The following CCAR2 variants were observed in gnomAD, a reference collection of about 807,000 sequenced individuals.
CCAR2 encodes cell cycle and apoptosis regulator protein 2.
CCAR2 carries 21 observed loss-of-function variants against 108.1 expected under a neutral mutation model. The ratio of observed to expected loss-of-function variants is 0.19; its 90% CI spans 0.14 to 0.28. The LOEUF is 0.28. Among genes scored for constraint, CCAR2 ranks in the 10% least tolerant of loss-of-function variants. The pLI is 1.00. For missense variants in CCAR2, 1,126 were observed against 1,177.0 expected (o/e 0.96, Z 0.63); for synonymous variants, 577 against 472.8 (o/e 1.22, Z -2.86).
chr8:22,617,217 G>A (rs1801558901), intron 14 of CCAR2, among the ~76,000 whole-genome samples: 1 of 152,012 alleles, frequency 6.6e-6, no homozygotes, highest in Non-Finnish European at 1.5e-5. Flanking sequence ...AACTCCTGAG[G>A]AAAAAAGCCC....
intron 7 of CCAR2, 34 bp from the exon 8 acceptor site, chr8:22,612,983 G>A: frequency 4.4e-6 from 7 of 1,599,878 alleles, no homozygotes; most frequent in Non-Finnish European, 6.0e-6. Context: ...ATAACAATGT[G>A]GTTTCTTACT....
At chr8:22,607,873 G>A (rs1414554703) in intron 6 of CCAR2, 96 bp from the exon 7 acceptor site, 6 of 945,206 alleles carry the variant, frequency 6.3e-6, no homozygotes, top group African/African-American at 3.3e-5. Context: ...TGATCCATCT[G>A]CACTGTCCTC....
At position 22,614,396 on chromosome 8, in the gene CCAR2, C is replaced by T. The variant is rs1294535918; in HGVS notation, c.934C>T (p.Leu312=). The T allele has an allele frequency of 1.7e-5, 27 of 1,614,196 alleles. No homozygotes were observed. Among genetic ancestry groups the T allele is most frequent in the Non-Finnish European group, 2.1e-5 (25 of 1,180,036 alleles). Residue 312 remains leucine (L), a synonymous_variant, in exon 10 of 21, where the codon CTG becomes TTG. Transcript: ENST00000308511. ...AGTGTCTCCTCCTGCACAGGTACTG[C>T]TGCTCTCTTCCCCGGGGTTGGAGGA... ...SDPAYSSKVL[L]LSSPGLEELY...
chr8:22,607,942 G>C, intron 6 of CCAR2, 27 bp from the exon 7 acceptor site: 1 of 1,605,332 alleles, frequency 6.2e-7, no homozygotes, highest in South Asian at 1.1e-5. Context: ...TAGGGTTTTT[G>C]AGTCACCAGT....
Position 22,619,034 on chromosome 8 carries a change from A to G in CCAR2, c.2521+19A>G, listed in dbSNP as rs201815437. 4.3e-6 allele frequency: 7 copies of G among 1,610,802 alleles called. No homozygotes were observed. The highest frequency in any genetic ancestry group is 5.9e-6 in the Non-Finnish European group (7 of 1,178,704). On this transcript the variant is annotated intron_variant, in intron 19 of 20. Coordinates refer to ENST00000308511, the MANE Select transcript of CCAR2 (RefSeq NM_001393997.1). The stretch of plus-strand genomic sequence containing the variant: ...AAGCTGGGTGAGGGCCTGGGGCTGC[A>G]GCCACCATGGGGTCACATGCAGACC...
rs765952911 is a variant in CCAR2 at position 22,616,084 on chromosome 8, C to A, written c.1681C>A (p.Leu561Met). The change falls in exon 14 of 21, where the codon CTG becomes ATG. Residue 561 changes from leucine to methionine, a missense_variant. Leu to Met is a conservative substitution (Grantham distance 15). Coordinates refer to ENST00000308511, the MANE Select transcript of CCAR2 (RefSeq NM_001393997.1). ...DFGYRVYKML[L>M]SLPEKVVSPP... is the part of the protein sequence containing the mutation. ...TGGCTATAGAGTTTATAAGATGCTA[C>A]TGAGCCTTCCTGAAAAGGTCGTGTC... 6.2e-7 allele frequency: 1 copy of A among 1,614,034 alleles called. No homozygotes were observed. Among genetic ancestry groups the A allele is most frequent in the Non-Finnish European group, 8.5e-7 (1 of 1,180,036 alleles).
rs1210403419 is a variant in CCAR2, at chr8:22,620,468, C to G, written c.*786C>G. On this transcript the variant is annotated 3_prime_UTR_variant, in exon 21 of 21. Coordinates refer to ENST00000308511, the MANE Select transcript of CCAR2 (RefSeq NM_001393997.1). ...TTTTTAAATAAACCAAAGTCAAAAA[C>G]AAACTGAGAGTGTGTCCTCCACAGC... is the stretch of plus-strand genomic sequence containing the variant. 1 of 86,058 alleles carries G rather than the reference C, an allele frequency of 1.2e-5. No homozygotes were observed. Among genetic ancestry groups the G allele is most frequent in the Admixed American group, 1.5e-4 (1 of 6,514 alleles). The allele number at this position is 86,058 out of a possible 1,614,324, so 5.3% of individuals were successfully genotyped here.
In CCAR2 at chr8:22,619,724, C is replaced by T. The variant is rs201631100; in HGVS notation, c.*42C>T. ...TGCCATCCTGTGAGGGCAGCGGTGG[C>T]GCCCGGCAAAGTTGGAGCCCTTGCG... On this transcript the variant is annotated 3_prime_UTR_variant, in exon 21 of 21. Coordinates refer to ENST00000308511, the MANE Select transcript of CCAR2 (RefSeq NM_001393997.1). The T allele has an allele frequency of 1.5e-5, 23 of 1,548,914 alleles. No homozygotes were observed. The highest frequency in any genetic ancestry group is 1.1e-4 in the African/African-American group (8 of 73,108).
intron 4 of CCAR2, 95 bp downstream of exon 4, chr8:22,606,793 T>G (rs1801096794): frequency 3.4e-6 from 5 of 1,469,326 alleles, no homozygotes; most frequent in Admixed American, 1.8e-5. Flanking sequence ...AGCCATTGCT[T>G]TGCTGTTTTT....
Position 22,617,257 on chromosome 8 carries a change from G to C in CCAR2, c.1846-163G>C, listed in dbSNP as rs1354684144. The C allele has an allele frequency of 3.7e-6, 3 of 816,634 alleles. No homozygotes were observed. The African/African-American group carries it at 5.2e-5, about 14-fold the overall frequency. 50.6% of individuals were successfully genotyped at this position (816,634 alleles called of 1,614,324 possible). A position where few individuals can be genotyped will look rare whatever the true frequency, so the allele number is the denominator to read the frequency against. The stretch of plus-strand genomic sequence containing the variant: ...GTCTGGCGATGCCCTGGCATGCTCT[G>C]AATCCCACTTAATGAAATTAAATAC... On this transcript the variant is annotated intron_variant, in intron 14 of 20. Transcript: ENST00000308511.
Position 22,613,090 on chromosome 8 carries a change from G to C in CCAR2, c.658G>C (p.Asp220His), listed in dbSNP as rs192174585. 1 of 1,613,070 alleles carries C rather than the reference G, an allele frequency of 6.2e-7. No homozygotes were observed. The highest frequency in any genetic ancestry group is 1.7e-5 in the Admixed American group (1 of 59,846). The change falls in exon 8 of 21, where the codon GAC (aspartate) becomes CAC (histidine). Residue 220 changes from aspartate (D) to histidine (H), a missense_variant. Around this residue, in one of 4 missense-constraint regions of CCAR2, gnomAD observed 1,013 missense variants for 993.9 expected, o/e 1.02. Transcript: ENST00000308511. ...CTGGGGTGCTAAGAAGCCAAGGCATGACCTGCCTCCTTACCGGGTCCACCT... is the reference window on the plus strand; with the variant it reads ...CTGGGGTGCTAAGAAGCCAAGGCATCACCTGCCTCCTTACCGGGTCCACCT... ...EPWGAKKPRH[D>H]LPPYRVHLTP... is the part of the protein sequence containing the mutation.
At chr8:22,606,882 T>G in intron 4 of CCAR2, 28 bp from the exon 5 acceptor site, 1 of 1,609,766 alleles carries the variant, frequency 6.2e-7, no homozygotes, top group Non-Finnish European at 8.5e-7. Flanking sequence ...CCTCTTCTGA[T>G]GGGGCCTTCT....
Position 22,605,836 on chromosome 8 carries a change from T to C in CCAR2, c.58+5T>C, listed in dbSNP as rs761301974. 6.2e-7 allele frequency: 1 copy of C among 1,613,664 alleles called. No homozygotes were observed. The highest frequency in any genetic ancestry group is 8.5e-7 in the Non-Finnish European group (1 of 1,179,740). On this transcript the variant is annotated splice_donor_5th_base_variant and intron_variant, in intron 2 of 20. Transcript: ENST00000308511. ...CAGGGGGACGCAACTTCTCAGGTGA[T>C]CACTGTTCTCCCTACCTGGCCTCAT...
chr8:22,614,279 A>G lies in CCAR2; in HGVS notation c.892A>G (p.Ile298Val), dbSNP rs143895597. ...AGCTCCAGACGCTGGTGCTGAGCCC[A>G]TCACTGCAGACAGTGACCCCGCTTA... ...EAAPDAGAEP[I>V]TADSDPAYSS... is the part of the protein sequence containing the mutation. The change falls in exon 9 of 21, where the codon ATC (isoleucine) becomes GTC (valine). Residue 298 changes from isoleucine (I) to valine (V), a missense_variant. Ile to Val is a conservative substitution (Grantham distance 29, BLOSUM62 3). Around this residue, in one of 4 missense-constraint regions of CCAR2, gnomAD observed 1,013 missense variants for 993.9 expected, o/e 1.02. Coordinates refer to ENST00000308511, the MANE Select transcript of CCAR2 (RefSeq NM_001393997.1). 20,075 of 1,614,080 alleles carry G rather than the reference A, an allele frequency of 0.012. 168 individuals are homozygous for G. Among genetic ancestry groups the G allele is most frequent in the Middle Eastern group, 0.031 (187 of 6,062 alleles).
intron 7 of CCAR2, among the ~76,000 whole-genome samples, chr8:22,609,599 C>T (rs531208537): frequency 2.3e-4 from 35 of 152,300 alleles, no homozygotes; most frequent in South Asian, 1.0e-3. Context: ...TTTGTGTTTA[C>T]CCACTCCTCT....
chr8:22,607,105 A>T, intron 5 of CCAR2, 81 bp downstream of exon 5: 1 of 1,608,652 alleles, frequency 6.2e-7, no homozygotes, highest in Non-Finnish European at 8.5e-7. Flanking sequence ...CAAAACCCTG[A>T]CTTTTGTCAG....
intron 2 of CCAR2, 34 bp downstream of exon 2, chr8:22,605,865 G>T: frequency 6.2e-7 from 1 of 1,601,594 alleles, no homozygotes; most frequent in Non-Finnish European, 8.5e-7. Flanking sequence ...GCCTCATCCT[G>T]GGAAGTATGT....
intron 2 of CCAR2, 89 bp from the exon 3 acceptor site, chr8:22,605,996 T>C (rs1052742984): frequency 1.5e-6 from 2 of 1,339,470 alleles, no homozygotes; most frequent in South Asian, 1.2e-5. Flanking sequence ...TGGCTGGAGC[T>C]GTAGCCTTTG....
intron 6 of CCAR2, 41 bp from the exon 7 acceptor site, chr8:22,607,928 T>C: frequency 6.3e-7 from 1 of 1,582,984 alleles, no homozygotes; most frequent in Non-Finnish European, 8.7e-7. Flanking sequence ...ACCCGGCCGG[T>C]TTTTAGGGTT....
Sources: gnomAD v4.1 joint callset for allele counts (sites outside exome capture counted in the v4.1 genomes callset) on GRCh38, gnomAD v4.1.1 for gene constraint, gnomAD v4.1.1 regional missense constraint, MANE v1.5 for transcripts, NCBI Gene and HGNC (gene_info 2026-07-23, HGNC 2026-07-21) for gene names.